UNC79: variants seen among roughly 807,000 people sequenced by gnomAD.
UNC79 encodes protein unc-79 homolog.
Under a neutral mutation model 283.1 loss-of-function variants are expected in UNC79, and 37 were observed. The ratio of observed to expected loss-of-function variants is 0.13; its 90% confidence interval spans 0.10 to 0.17. The LOEUF is 0.17. Ranked by LOEUF, UNC79 falls within the 10% of genes least tolerant of loss-of-function variation. The pLI, the probability that UNC79 is intolerant of heterozygous loss-of-function variation, is 1.00. For synonymous variants in UNC79, 1,107 were observed against 1,200.2 expected (o/e 0.92, Z 1.61); for missense variants, 2,272 against 3,211.1 (o/e 0.71, Z 7.07).
At chr14:93,466,329 G>A (rs1290537285) in intron 1 of UNC79, among the ~76,000 whole-genome samples, 1 of 152,250 alleles carries the variant, frequency 6.6e-6, no homozygotes, top group Non-Finnish European at 1.5e-5. Flanking sequence ...TTGCTTTGAT[G>A]TCAAGCAATG....
At chr14:93,685,068 A>C (rs2074134601) in intron 42 of UNC79, among the ~76,000 whole-genome samples, 1 of 152,196 alleles carries the variant, frequency 6.6e-6, no homozygotes, top group Admixed American at 6.5e-5. Flanking sequence ...GATTCTCTTG[A>C]CCATACAGTG....
At chr14:93,597,295 G>T in intron 23 of UNC79, 64 bp from the exon 24 acceptor site, 1 of 1,529,110 alleles carries the variant, frequency 6.5e-7, no homozygotes, top group South Asian at 1.2e-5. Flanking sequence ...CTAAATAAAT[G>T]TGTATGCGTG....
At chr14:93,354,116 A>C (rs999182211) in intron 1 of UNC79, among the ~76,000 whole-genome samples, 1 of 152,192 alleles carries the variant, frequency 6.6e-6, no homozygotes, top group Non-Finnish European at 1.5e-5. Context: ...AGAACATCAT[A>C]TATGACACCC....
intron 30 of UNC79, 40 bp from the exon 33 acceptor site, chr14:93,630,761 A>T (rs771995125): frequency 6.4e-6 from 10 of 1,557,180 alleles, no homozygotes; most frequent in Middle Eastern, 1.7e-4. Context: ...ACTTGCTTTT[A>T]ATCAGTGTCC....
intron 1 of UNC79, among the ~76,000 whole-genome samples, chr14:93,381,449 C>T (rs1354748056): frequency 1.3e-5 from 2 of 152,184 alleles, no homozygotes; most frequent in African/African-American, 4.8e-5. Flanking sequence ...CAGAGGATGA[C>T]AGGCTGTGTC....
chr14:93,687,941 G>C (rs2074377753), intron 43 of UNC79, among the ~76,000 whole-genome samples: 1 of 152,144 alleles, frequency 6.6e-6, no homozygotes, highest in Non-Finnish European at 1.5e-5. Context: ...AAATCAGAAG[G>C]ATCAAGTGGC....
At chr14:93,615,221 T>C (rs1179244659) in intron 27 of UNC79, among the ~76,000 whole-genome samples, 1 of 152,194 alleles carries the variant, frequency 6.6e-6, no homozygotes, top group African/African-American at 2.4e-5. Context: ...ATGATTGCTG[T>C]TATTGTCAAT....
intron 7 of UNC79, among the ~76,000 whole-genome samples, chr14:93,520,415 A>G (rs1327197192): frequency 6.6e-6 from 1 of 151,852 alleles, no homozygotes; most frequent in East Asian, 1.9e-4. Context: ...CCTAGGATTC[A>G]TTGAGCTTCT....
At chr14:93,532,466 T>G (rs1199683039) in intron 10 of UNC79, 84 bp from the exon 11 acceptor site, 1 of 1,491,050 alleles carries the variant, frequency 6.7e-7, no homozygotes, top group Non-Finnish European at 9.1e-7. Flanking sequence ...TGAGCCACTG[T>G]CTCAAAAAAT....
chr14:93,540,789 A>G, exon 13 of UNC79: 1 of 1,613,484 alleles, frequency 6.2e-7, no homozygotes, highest in Non-Finnish European at 8.5e-7. Flanking sequence ...ACGATGATAA[A>G]CACGATCAGA....
chr14:93,560,662 AT>A lies in UNC79; in HGVS notation c.1756-11228del, dbSNP rs1327642900. 6.6e-5 allele frequency among the ~76,000 whole-genome samples: 10 copies of A among 152,234 alleles called. No individual in the cohort carries two copies. In the East Asian group the frequency reaches 1.9e-3, roughly 29 times the overall value. ...CTCTTCGGTCCCATTCGCAAATTGA[AT>A]TTTGGGAGTAAGGAAAACTAGTGTG... On this transcript the variant is annotated intron_variant, in intron 14 of 48. Coordinates refer to ENST00000555664, the Ensembl canonical transcript of UNC79.
intron 1 of UNC79, among the ~76,000 whole-genome samples, chr14:93,391,629 G>C (rs1460862283): frequency 6.6e-6 from 1 of 152,100 alleles, no homozygotes; most frequent in African/African-American, 2.4e-5. Flanking sequence ...GAGTCTTGCT[G>C]TGTTGCCCAG....
At chr14:93,628,423 G>A (rs1468344681) in intron 30 of UNC79, among the ~76,000 whole-genome samples, 1 of 152,120 alleles carries the variant, frequency 6.6e-6, no homozygotes, top group Non-Finnish European at 1.5e-5. Context: ...GGTTCTCTGC[G>A]ATGCCCTACT....
At chr14:93,585,064 A>G (rs1404104437) in intron 20 of UNC79, among the ~76,000 whole-genome samples, 2 of 152,176 alleles carry the variant, frequency 1.3e-5, no homozygotes, top group African/African-American at 4.8e-5. Context: ...ATTAAAACAC[A>G]TGCTTTGTTC....
At chr14:93,371,530 A>G (rs2054446528) in intron 1 of UNC79, among the ~76,000 whole-genome samples, 1 of 152,102 alleles carries the variant, frequency 6.6e-6, no homozygotes, top group Admixed American at 6.5e-5. Context: ...AAAACTTCTT[A>G]CCTGTAGAAG....
At chr14:93,486,718 T>C (rs1389677736) in intron 4 of UNC79, among the ~76,000 whole-genome samples, 1 of 148,248 alleles carries the variant, frequency 6.7e-6, no homozygotes, top group East Asian at 2.0e-4. Context: ...TTTCCCCAAA[T>C]GACTTCCATC....
At chr14:93,583,830 G>A (rs1322674095) in intron 20 of UNC79, among the ~76,000 whole-genome samples, 1 of 141,078 alleles carries the variant, frequency 7.1e-6, no homozygotes, top group Non-Finnish European at 1.5e-5. Flanking sequence ...TTTAAGATAA[G>A]GGTCCTGCTC....
chr14:93,479,172 TTTCCTTCCTTCCTTCC>T (rs140666949), intron 4 of UNC79, among the ~76,000 whole-genome samples: 6,027 of 120,624 alleles, frequency 0.05, 167 homozygotes, highest in Middle Eastern at 0.11. Flanking sequence ...GATGAGGCTG[TTTCCTTCCTTCCTTCC>T]TTCCTTCCTT....
chr14:93,529,424 C>A, intron 10 of UNC79, 98 bp downstream of exon 10: 1 of 1,326,810 alleles, frequency 7.5e-7, no homozygotes, highest in Non-Finnish European at 1.1e-6. Context: ...CAAAGACAGT[C>A]ACCAAAGTAT....
Sources: gnomAD v4.1 joint callset for allele counts (sites outside exome capture counted in the v4.1 genomes callset) on GRCh38, gnomAD v4.1.1 for gene constraint, MANE v1.5 for transcripts, NCBI Gene and HGNC (gene_info 2026-07-23, HGNC 2026-07-21) for gene names.